DLGAP2: variants seen among roughly 807,000 people sequenced by gnomAD.
The protein encoded by DLGAP2 is disks large-associated protein 2.
In DLGAP2, 26 loss-of-function variants were observed where a neutral mutation model predicts 100.3. The ratio of observed to expected loss-of-function variants is 0.26; its 90% CI spans 0.19 to 0.36. DLGAP2 has a LOEUF of 0.36. Ranked by LOEUF, DLGAP2 falls within the 10% of genes least tolerant of loss-of-function variation. The pLI is 1.00. For missense variants in DLGAP2, 1,858 were observed against 1,453.2 expected (o/e 1.28, Z -4.53); for synonymous variants, 886 against 630.1 (o/e 1.41, Z -6.08).
At chr8:1,296,686 C>G (rs1256400476) in intron 3 of DLGAP2, among the ~76,000 whole-genome samples, 1 of 152,216 alleles carries the variant, frequency 6.6e-6, no homozygotes, top group Non-Finnish European at 1.5e-5. Context: ...ACAGCCCTTT[C>G]CTCCCCACTT....
At chr8:1,661,788 G>A (rs991513468) in intron 8 of DLGAP2, among the ~76,000 whole-genome samples, 1 of 152,196 alleles carries the variant, frequency 6.6e-6, no homozygotes, top group African/African-American at 2.4e-5. Context: ...CAGGTTTCAA[G>A]ACTAGGAGGG....
chr8:852,502 T>G (rs1797200467), intron 1 of DLGAP2, among the ~76,000 whole-genome samples: 1 of 152,258 alleles, frequency 6.6e-6, no homozygotes, highest in South Asian at 2.1e-4. Context: ...AGCTTGATTT[T>G]ACTCAAGATT....
At chr8:1,277,410 T>C (rs1402664552) in intron 3 of DLGAP2, among the ~76,000 whole-genome samples, 1 of 152,066 alleles carries the variant, frequency 6.6e-6, no homozygotes, top group African/African-American at 2.4e-5. Flanking sequence ...CACGGAGAAA[T>C]ACATAGAGCA....
At chr8:1,344,158 G>A (rs111263425) in intron 3 of DLGAP2, among the ~76,000 whole-genome samples, 4,789 of 33,960 alleles carry the variant, frequency 0.14, 122 homozygotes, top group East Asian at 0.46. Context: ...CCCTGTCGTG[G>A]GTCTTTGTAC....
intron 3 of DLGAP2, among the ~76,000 whole-genome samples, chr8:1,381,862 T>C (rs549329410): frequency 1.1e-4 from 17 of 151,274 alleles, no homozygotes; most frequent in African/African-American, 3.9e-4. Flanking sequence ...GCCATTCAGA[T>C]AGGAATTCCA....
At chr8:980,420 A>G (rs985166439) in intron 2 of DLGAP2, among the ~76,000 whole-genome samples, 2 of 152,250 alleles carry the variant, frequency 1.3e-5, no homozygotes, top group Admixed American at 1.3e-4. Context: ...CAACTATTGC[A>G]GTTAAACTGC....
At chr8:1,311,647 G>A (rs576209654) in intron 3 of DLGAP2, among the ~76,000 whole-genome samples, 3 of 151,920 alleles carry the variant, frequency 2.0e-5, no homozygotes, top group African/African-American at 7.2e-5. Flanking sequence ...AACACTACCT[G>A]CACATCTCAG....
At chr8:1,286,258 T>G (rs1444838358) in intron 3 of DLGAP2, among the ~76,000 whole-genome samples, 1 of 152,040 alleles carries the variant, frequency 6.6e-6, no homozygotes, top group Non-Finnish European at 1.5e-5. Flanking sequence ...GCCATGATTG[T>G]AAGTTTCCTG....
intron 1 of DLGAP2, among the ~76,000 whole-genome samples, chr8:751,666 A>G (rs1585824188): frequency 6.6e-6 from 1 of 152,040 alleles, no homozygotes; most frequent in Middle Eastern, 3.4e-3. Flanking sequence ...AAGTCCTTAT[A>G]GTAAGTTCAT....
intron 2 of DLGAP2, among the ~76,000 whole-genome samples, chr8:1,130,527 T>TG (rs1165414835): frequency 2.0e-5 from 3 of 152,204 alleles, no homozygotes; most frequent in Non-Finnish European, 4.4e-5. Flanking sequence ...AGGTGACTCA[T>TG]GCACCCATTA....
At chr8:1,009,686 A>G (rs1172920877) in intron 2 of DLGAP2, among the ~76,000 whole-genome samples, 1 of 152,206 alleles carries the variant, frequency 6.6e-6, no homozygotes, top group Non-Finnish European at 1.5e-5. Flanking sequence ...AACTTGCATG[A>G]TGAAGAACCA....
At chr8:1,696,894 T>C (rs1799411568) in intron 13 of DLGAP2, among the ~76,000 whole-genome samples, 1 of 152,264 alleles carries the variant, frequency 6.6e-6, no homozygotes, top group South Asian at 2.1e-4. Context: ...CTCTCCCATC[T>C]GCCCCATTCC....
intron 2 of DLGAP2, among the ~76,000 whole-genome samples, chr8:1,176,527 G>T (rs570270914): frequency 6.6e-6 from 1 of 152,180 alleles, no homozygotes; most frequent in Admixed American, 6.5e-5. Context: ...TGCCCTCACA[G>T]CCGCCCTGTG....
At chr8:1,294,402 T>C (rs1800125422) in intron 3 of DLGAP2, among the ~76,000 whole-genome samples, 2 of 152,170 alleles carry the variant, frequency 1.3e-5, no homozygotes, top group South Asian at 4.1e-4. Flanking sequence ...TTTTGGTGTC[T>C]CCTGTTTGAG....
chr8:1,688,769 T>A (rs2130872086), intron 12 of DLGAP2, among the ~76,000 whole-genome samples: 1 of 152,302 alleles, frequency 6.6e-6, no homozygotes, highest in South Asian at 2.1e-4. Context: ...GAACACATGG[T>A]ACAGATTGCC....
chr8:1,327,890 T>C (rs914565828), intron 3 of DLGAP2, among the ~76,000 whole-genome samples: 6 of 152,164 alleles, frequency 3.9e-5, no homozygotes, highest in African/African-American at 1.4e-4. Context: ...GAATCCATTC[T>C]CCACTTTTTC....
intron 1 of DLGAP2, among the ~76,000 whole-genome samples, chr8:890,833 C>T (rs1305335742): frequency 6.6e-6 from 1 of 152,108 alleles, no homozygotes. Context: ...GGGGCGTTTC[C>T]CGACCCCCCT....
At chr8:927,094 C>G in intron 2 of DLGAP2, 1 of 985,302 alleles carries the variant, frequency 1.0e-6, no homozygotes, top group Non-Finnish European at 1.2e-6. Flanking sequence ...CCCCAGTGGC[C>G]GGGATGGTAA....
chr8:1,188,120 T>A (rs1402018013), intron 2 of DLGAP2, among the ~76,000 whole-genome samples: 18 of 141,334 alleles, frequency 1.3e-4, no homozygotes, highest in African/African-American at 4.7e-4. Context: ...CCGTGACATT[T>A]GCCTCACGGA....
Sources: gnomAD v4.1 joint callset for allele counts (sites outside exome capture counted in the v4.1 genomes callset) on GRCh38, gnomAD v4.1.1 for gene constraint, MANE v1.5 for transcripts, NCBI Gene and HGNC (gene_info 2026-07-23, HGNC 2026-07-21) for gene names.